Variants in PGK1 observed in about 807,000 individuals in gnomAD.
PGK1 encodes PRP 2.
A neutral mutation model predicts 26.9 loss-of-function variants in PGK1; 3 were observed. The observed-to-expected ratio is 0.11, with a 90% confidence interval of 0.05 to 0.29. PGK1 has a LOEUF of 0.29. PGK1 is among the 10% of genes least tolerant of loss of function. PGK1 has a pLI of 1.00. For missense variants in PGK1, 270 were observed against 314.7 expected, an observed-to-expected ratio of 0.86 and a Z score of 1.07; for synonymous variants, 125 against 115.3, an observed-to-expected ratio of 1.08 and a Z score of -0.54.
intron 1 of PGK1, among the ~76,000 whole-genome samples, chrX:78,108,590 A>G (rs1376205627): frequency 6.2e-5 from 7 of 112,014 alleles, no homozygotes. Flanking sequence ...CCTAGTGGAT[A>G]TAGGAAATTG....
Position 78,127,689 on chromosome X carries a change from C to T in PGK1, c.*1859C>T, listed in dbSNP as rs1298265620. On this transcript the variant is annotated 3_prime_UTR_variant, in exon 11 of 11. Transcript: ENST00000373316. The stretch of plus-strand genomic sequence containing the variant: ...ATGCTTCTAGACTATTTTGTTTAAC[C>T]CTGGATAGAATAGCAAAAGAAAATT... 3 of 111,657 alleles carry T rather than the reference C, an allele frequency of 2.7e-5. 1 individual carries two copies. The highest frequency in any genetic ancestry group is 7.4e-4 in the South Asian group (2 of 2,690). The allele number at this position is 111,657 out of a possible 1,213,427, so 9.2% of individuals were successfully genotyped here. A position where few individuals can be genotyped will look rare whatever the true frequency, so the allele number is the denominator to read the frequency against.
Position 78,125,358 on chromosome X carries a change from A to G in PGK1, c.1146A>G (p.Lys382=). The change falls in exon 10 of 11, where the codon AAA becomes AAG. Residue 382 remains lysine, a synonymous_variant. Coordinates refer to ENST00000373316, the MANE Select transcript of PGK1 (RefSeq NM_000291.4). ...GAGACACTGCCACTTGCTGTGCCAA[A>G]TGGAACACGGAGGATAAAGTCAGCC... ...GGGDTATCCA[K]WNTEDKVSHV... is the part of the protein sequence containing the mutation. The G allele has an allele frequency of 1.7e-6, 2 of 1,207,274 alleles. No individual in the cohort carries two copies. Among genetic ancestry groups the G allele is most frequent in the South Asian group, 1.8e-5 (1 of 56,842 alleles).
intron 4 of PGK1, among the ~76,000 whole-genome samples, chrX:78,116,830 C>T (rs1460263151): frequency 1.8e-5 from 2 of 112,208 alleles, no homozygotes; most frequent in African/African-American, 6.5e-5. Context: ...ATGTTTCCAT[C>T]TGCCTTCTCT....
At chrX:78,109,135 C>T (rs782197358) in intron 1 of PGK1, among the ~76,000 whole-genome samples, 9 of 110,937 alleles carry the variant, frequency 8.1e-5, no homozygotes, top group South Asian at 7.7e-4. Flanking sequence ...TTTCTTGTGT[C>T]GTCTTGATTA....
In PGK1 at chrX:78,108,553, C is replaced by T. The variant is rs2078283432; in HGVS notation, c.66-1314C>T. On this transcript the variant is annotated intron_variant, in intron 1 of 10. Transcript: ENST00000373316. ...TCAGCCTACCTTTGGAAAGGCTGTT[C>T]TTCAGTGAGGTAGATTGGAGTTCAG... Among the ~76,000 whole-genome samples the T allele has an allele frequency of 2.7e-5, 3 of 112,163 alleles. No individual in the cohort carries two copies. In the South Asian group the frequency reaches 1.1e-3, roughly 41 times the overall value.
At chrX:78,123,077 T>C (rs2078364286) in intron 7 of PGK1, 118 bp from the exon 8 acceptor site, 1 of 723,914 alleles carries the variant, frequency 1.4e-6, no homozygotes, top group Non-Finnish European at 2.2e-6. Flanking sequence ...TTTTGGCAAG[T>C]CTTTCGTCTT....
At chrX:78,105,569 G>C (rs1274433642) in intron 1 of PGK1, among the ~76,000 whole-genome samples, 1 of 111,656 alleles carries the variant, frequency 9.0e-6, no homozygotes, top group Non-Finnish European at 1.9e-5. Context: ...ACGTAAGTCA[G>C]TAGGAGATCT....
rs1018932972 is a variant in PGK1, at chrX:78,114,213, G to C, written c.417+53G>C. ...GGGGTGAGGGCCTGAGTCTGTAAGA[G>C]ACTGTGGTTGAAGAATAGAGAAAGC... On this transcript the variant is annotated intron_variant, in intron 4 of 10. Transcript: ENST00000373316. 9 of 1,104,492 alleles carry C rather than the reference G, an allele frequency of 8.1e-6. No individual in the cohort carries two copies. The African/African-American group carries it at 1.6e-4, about 20-fold the overall frequency. 91.0% of individuals were successfully genotyped at this position (1,104,492 alleles called of 1,213,427 possible).
At chrX:78,108,643 G>A (rs1324565117) in intron 1 of PGK1, among the ~76,000 whole-genome samples, 1 of 111,795 alleles carries the variant, frequency 8.9e-6, no homozygotes, top group Admixed American at 9.5e-5. Context: ...AATTGCCTTA[G>A]CCTTAGAGAG....
chrX:78,120,541 C>G (rs2078349904), intron 6 of PGK1, among the ~76,000 whole-genome samples: 1 of 109,353 alleles, frequency 9.1e-6, no homozygotes, highest in Non-Finnish European at 1.9e-5. Context: ...GCTGCCCAGG[C>G]TGAAGTGCAG....
chrX:78,124,271 C>T (rs140133023), intron 8 of PGK1, among the ~76,000 whole-genome samples: 83 of 111,712 alleles, frequency 7.4e-4, no homozygotes, highest in Admixed American at 7.2e-3. Flanking sequence ...CCAGCAGTAT[C>T]AGTATCATTT....
At chrX:78,105,266 G>A (rs1603396082) in intron 1 of PGK1, among the ~76,000 whole-genome samples, 3 of 112,152 alleles carry the variant, frequency 2.7e-5, no homozygotes, top group African/African-American at 9.7e-5. Flanking sequence ...AGAGTGGGCA[G>A]CTTTTACATT....
chrX:78,116,455 C>G (rs2078326961), intron 4 of PGK1, among the ~76,000 whole-genome samples: 1 of 111,961 alleles, frequency 8.9e-6, no homozygotes, highest in African/African-American at 3.2e-5. Flanking sequence ...TATGGCAGTC[C>G]CCTTCACCTC....
At chrX:78,104,609 C>T (rs1302400851) in intron 1 of PGK1, among the ~76,000 whole-genome samples, 2 of 111,411 alleles carry the variant, frequency 1.8e-5, no homozygotes, top group Non-Finnish European at 3.8e-5. Flanking sequence ...CGAAGTCACC[C>T]TTCGGGGATG....
At chrX:78,110,981 TTTTATA>T (rs1303242874) in intron 2 of PGK1, among the ~76,000 whole-genome samples, 2 of 66,363 alleles carry the variant, frequency 3.0e-5, no homozygotes, top group Admixed American at 1.4e-4. Context: ...TTTTTGTAGA[TTTTATA>T]TATATATATA....
chrX:78,125,308 C>T lies in PGK1; in HGVS notation c.1115-19C>T, dbSNP rs1557248555. 5 of 1,132,467 alleles carry T rather than the reference C, an allele frequency of 4.4e-6. No individual in the cohort carries two copies. The highest frequency in any genetic ancestry group is 4.9e-6 in the Non-Finnish European group (4 of 823,976). The allele number at this position is 1,132,467 out of a possible 1,213,427, so 93.3% of individuals were successfully genotyped here. A position where few individuals can be genotyped will look rare whatever the true frequency, so the allele number is the denominator to read the frequency against. ...TTCTTTTCTCTCTTTTCCCTTTTTA[C>T]CTGGCTTTCATTCAACAGGTGGTGG... On this transcript the variant is annotated intron_variant, in intron 9 of 10. Transcript: ENST00000373316.
In PGK1 at chrX:78,117,337, A is replaced by C. The variant is rs1164453165; in HGVS notation, c.443A>C (p.Glu148Ala). ...GTTAAAGCCGAGCCAGCCAAAATAG[A>C]AGCTTTCCGAGCTTCACTTTCCAAG... ...NKVKAEPAKIEAFRASLSKLG... is the reference protein window; with the variant it reads ...NKVKAEPAKIAAFRASLSKLG... The change falls in exon 5 of 11, where the codon GAA becomes GCA. Residue 148 changes from glutamate to alanine, a missense_variant. This residue lies in a region of PGK1 where 150 missense variants were observed against 154.6 expected (regional missense o/e 0.97). Transcript: ENST00000373316. The C allele has an allele frequency of 8.3e-7, 1 of 1,205,551 alleles. No homozygotes were observed. The highest frequency in any genetic ancestry group is 1.8e-5 in the African/African-American group (1 of 57,020).
chrX:78,104,364 G>A lies in PGK1; in HGVS notation c.24G>A (p.Thr8=), dbSNP rs1275166481. MSLSNKL[T]LDKLDVKGKR... is the part of the protein sequence containing the mutation. ...AAATGTCGCTTTCTAACAAGCTGACGCTGGACAAGCTGGACGTTAAAGGGA... is the reference window on the plus strand; with the variant it reads ...AAATGTCGCTTTCTAACAAGCTGACACTGGACAAGCTGGACGTTAAAGGGA... Residue 8 remains threonine, a synonymous_variant, in exon 1 of 11, where the codon ACG becomes ACA. Coordinates refer to ENST00000373316, the MANE Select transcript of PGK1 (RefSeq NM_000291.4). 8.3e-7 allele frequency: 1 copy of A among 1,204,383 alleles called. No individual in the cohort carries two copies. The highest frequency in any genetic ancestry group is 1.1e-6 in the Non-Finnish European group (1 of 888,614).
At chrX:78,121,781 G>GGT (rs1166749156) in intron 6 of PGK1, among the ~76,000 whole-genome samples, 5 of 112,270 alleles carry the variant, frequency 4.5e-5, no homozygotes, top group Admixed American at 1.9e-4. Flanking sequence ...GATCCCAAAG[G>GGT]GTAGGGATCT....
Sources: allele counts gnomAD v4.1 joint callset (sites outside exome capture counted in the v4.1 genomes callset), GRCh38; gene constraint gnomAD v4.1.1; regional missense constraint gnomAD v4.1.1; transcripts MANE v1.5; gene names NCBI Gene and HGNC (gene_info 2026-07-23, HGNC 2026-07-21).